Variants in GLDC observed in about 807,000 individuals in gnomAD.
GLDC encodes glycine dehydrogenase (decarboxylating), mitochondrial.
Under a neutral mutation model 121.3 loss-of-function variants are expected in GLDC, and 104 were observed. That is an observed-to-expected ratio of 0.86 (90% confidence interval 0.73 to 1.01). GLDC has a LOEUF of 1.01. GLDC is among the 50% of genes least tolerant of loss of function. GLDC has a pLI of 0.00. For synonymous variants in GLDC, 546 were observed against 480.6 expected, an observed-to-expected ratio of 1.14 and a Z score of -1.78; for missense variants, 1,429 against 1,306.6, an observed-to-expected ratio of 1.09 and a Z score of -1.44.
intron 12 of GLDC, 148 bp from the exon 13 acceptor site, chr9:6,588,850 A>G: frequency 2.8e-6 from 2 of 709,336 alleles, no homozygotes; most frequent in Non-Finnish European, 5.2e-6. Flanking sequence ...CTCAGAGAGA[A>G]GGGCACAGAC....
chr9:6,603,737 T>C (rs538532543), intron 7 of GLDC, among the ~76,000 whole-genome samples: 3,374 of 135,920 alleles, frequency 0.025, 89 homozygotes, highest in African/African-American at 0.079. Context: ...CTTTTTTTTC[T>C]TTTTTTTTTT....
At chr9:6,589,886 C>T (rs532766196) in intron 11 of GLDC, among the ~76,000 whole-genome samples, 2 of 152,200 alleles carry the variant, frequency 1.3e-5, no homozygotes, top group East Asian at 3.9e-4. Context: ...GAAACCCCGT[C>T]TCTACTAAAA....
intron 3 of GLDC, among the ~76,000 whole-genome samples, chr9:6,616,496 CAAT>C (rs1818968981): frequency 6.6e-6 from 1 of 152,272 alleles, no homozygotes; most frequent in East Asian, 1.9e-4. Context: ...ATGCTCTTAA[CAAT>C]GATCTATTAA....
intron 2 of GLDC, among the ~76,000 whole-genome samples, chr9:6,643,438 A>G (rs766174944): frequency 1.3e-5 from 2 of 150,470 alleles, no homozygotes; most frequent in South Asian, 4.2e-4. Context: ...CCTTTCTATC[A>G]TAGCAACAAA....
chr9:6,581,717 G>A (rs530760175), intron 15 of GLDC, among the ~76,000 whole-genome samples: 43 of 152,268 alleles, frequency 2.8e-4, no homozygotes, highest in African/African-American at 1.0e-3. Context: ...TGGACTAAGA[G>A]TGGATAAAGG....
At chr9:6,631,277 C>T (rs564104873) in intron 2 of GLDC, among the ~76,000 whole-genome samples, 5 of 152,306 alleles carry the variant, frequency 3.3e-5, no homozygotes, top group African/African-American at 1.2e-4. Flanking sequence ...GGAGCTGAGG[C>T]GTGTCCCATC....
At position 6,532,798 on chromosome 9, in the gene GLDC, A is replaced by G. The variant is rs940369337; in HGVS notation, c.*219T>C. The G allele has an allele frequency of 1.8e-6, 1 of 554,166 alleles. No individual in the cohort carries two copies. The allele number at this position is 554,166 out of a possible 1,614,324, so 34.3% of individuals were successfully genotyped here. A position where few individuals can be genotyped will look rare whatever the true frequency, so the allele number is the denominator to read the frequency against. On this transcript the variant is annotated 3_prime_UTR_variant, in exon 25 of 25. Coordinates refer to ENST00000321612, the MANE Select transcript of GLDC (RefSeq NM_000170.3). ...ATGGCTCCCAATCCAGGCAACTGGC[A>G]CATGTGGAAGCAGAATACCAAAGCA... is the stretch of plus-strand genomic sequence containing the variant.
chr9:6,550,767 A>T, intron 21 of GLDC, 36 bp downstream of exon 21: 1 of 1,435,292 alleles, frequency 7.0e-7, no homozygotes, highest in Non-Finnish European at 9.8e-7. Flanking sequence ...GCCAAGAAAA[A>T]AACCAAAGTA....
At chr9:6,629,876 G>A (rs533925386) in intron 2 of GLDC, among the ~76,000 whole-genome samples, 1 of 145,844 alleles carries the variant, frequency 6.9e-6, no homozygotes, top group Non-Finnish European at 1.5e-5. Context: ...TGATTCACAA[G>A]AAATTGATAA....
At chr9:6,572,438 C>A (rs771289531) in intron 15 of GLDC, among the ~76,000 whole-genome samples, 1 of 152,084 alleles carries the variant, frequency 6.6e-6, no homozygotes, top group African/African-American at 2.4e-5. Flanking sequence ...GAATGCAGAG[C>A]CTTTCAGTGG....
chr9:6,555,743 C>A (rs1317429634), intron 18 of GLDC, among the ~76,000 whole-genome samples: 1 of 152,080 alleles, frequency 6.6e-6, no homozygotes, highest in East Asian at 1.9e-4. Context: ...AGTGAGCAGA[C>A]ATCGCACCAC....
At chr9:6,556,391 G>T in intron 17 of GLDC, 89 bp from the exon 18 acceptor site, 1 of 1,069,988 alleles carries the variant, frequency 9.3e-7, no homozygotes, top group South Asian at 1.3e-5. Context: ...AAAGGATGAA[G>T]AAAGATGAAG....
At chr9:6,600,819 A>C (rs918860051) in intron 8 of GLDC, among the ~76,000 whole-genome samples, 2 of 152,338 alleles carry the variant, frequency 1.3e-5, no homozygotes, top group African/African-American at 4.8e-5. Flanking sequence ...TTCAAGGAGC[A>C]GAACCCAGAA....
At chr9:6,606,309 CAAAAAAAA>C (rs56758871) in intron 5 of GLDC, among the ~76,000 whole-genome samples, 1 of 90,056 alleles carries the variant, frequency 1.1e-5, no homozygotes, top group African/African-American at 3.9e-5. Flanking sequence ...GACTCCGTCT[CAAAAAAAA>C]AAAAAAAAAA....
At chr9:6,604,917 A>G in intron 6 of GLDC, 133 bp from the exon 7 acceptor site, 1 of 894,744 alleles carries the variant, frequency 1.1e-6, no homozygotes, top group African/African-American at 1.6e-5. Flanking sequence ...TTGCTCATTC[A>G]TTCATTCAGT....
At chr9:6,554,593 G>A (rs532009973) in intron 19 of GLDC, 76 bp downstream of exon 19, 4 of 988,418 alleles carry the variant, frequency 4.0e-6, no homozygotes, top group Non-Finnish European at 6.3e-6. Flanking sequence ...GACTTTGATG[G>A]GATGAGTAGT....
intron 2 of GLDC, among the ~76,000 whole-genome samples, chr9:6,622,029 A>C (rs1489242011): frequency 6.6e-6 from 1 of 152,148 alleles, no homozygotes; most frequent in African/African-American, 2.4e-5. Context: ...GGTAAAGCAA[A>C]ACCTAAGACA....
chr9:6,571,779 G>T (rs890203732), intron 15 of GLDC, among the ~76,000 whole-genome samples: 1 of 152,132 alleles, frequency 6.6e-6, no homozygotes, highest in Non-Finnish European at 1.5e-5. Flanking sequence ...AGTTGACCAT[G>T]GGTAACTGAA....
intron 3 of GLDC, among the ~76,000 whole-genome samples, chr9:6,615,034 G>A (rs551662631): frequency 9.2e-5 from 14 of 152,256 alleles, no homozygotes; most frequent in African/African-American, 2.6e-4. Context: ...ATATCACTAC[G>A]CAGGGCATGA....
Sources: gnomAD v4.1 joint callset for allele counts (sites outside exome capture counted in the v4.1 genomes callset) on GRCh38, gnomAD v4.1.1 for gene constraint, MANE v1.5 for transcripts, NCBI Gene and HGNC (gene_info 2026-07-23, HGNC 2026-07-21) for gene names.